GRM1: variants seen among roughly 807,000 people sequenced by gnomAD.
GRM1 encodes the protein glutamate metabotropic receptor 1.
GRM1 carries 33 observed loss-of-function variants against 90.9 expected under a neutral mutation model. That is an observed-to-expected ratio of 0.36 (90% CI 0.28 to 0.49). The LOEUF is 0.49. Among genes scored for constraint, GRM1 ranks in the 20% least tolerant of loss-of-function variants. GRM1 has a pLI of 0.99. For missense variants in GRM1, 1,190 were observed against 1,534.3 expected (o/e 0.78, Z 3.75); for synonymous variants, 700 against 613.2 (o/e 1.14, Z -2.09).
intron 3 of GRM1, among the ~76,000 whole-genome samples, chr6:146,340,799 C>T (rs1391403734): frequency 1.3e-5 from 2 of 152,188 alleles, no homozygotes; most frequent in Admixed American, 1.3e-4. Context: ...CTGCCTCAGC[C>T]TCCCAAAGTG....
intron 2 of GRM1, among the ~76,000 whole-genome samples, chr6:146,281,989 C>T (rs1002631526): frequency 1.3e-5 from 2 of 152,186 alleles, no homozygotes; most frequent in African/African-American, 2.4e-5. Flanking sequence ...GTTGACAGGG[C>T]AGTCAATAAT....
Position 146,436,187 on chromosome 6 carries a change from C to T in GRM1, c.*1391C>T, listed in dbSNP as rs577839251. ...TTTTGTACATCATTGTCATCAATAT[C>T]TACAGAAGCTCTTTGACGGTTTGAA... is the stretch of plus-strand genomic sequence containing the variant. On this transcript the variant is annotated 3_prime_UTR_variant, in exon 8 of 8. Coordinates refer to ENST00000282753, the MANE Select transcript of GRM1 (RefSeq NM_001278064.2). The T allele has an allele frequency of 2.2e-4, 33 of 152,618 alleles. No individual in the cohort carries two copies. The highest frequency in any genetic ancestry group is 7.7e-4 in the African/African-American group (32 of 41,550). 9.5% of individuals were successfully genotyped at this position (152,618 alleles called of 1,614,324 possible).
chr6:146,064,177 C>T (rs536490132), intron 1 of GRM1, among the ~76,000 whole-genome samples: 20 of 152,214 alleles, frequency 1.3e-4, no homozygotes, highest in Admixed American at 1.1e-3. Context: ...TAAGAATTAG[C>T]AAGTCTTCTT....
intron 2 of GRM1, among the ~76,000 whole-genome samples, chr6:146,164,985 T>C (rs1413751080): frequency 2.0e-5 from 3 of 151,998 alleles, no homozygotes; most frequent in African/African-American, 4.8e-5. Flanking sequence ...TACTGTGTGC[T>C]GTTTTATCTA....
chr6:146,418,779 G>T (rs1777878529), intron 7 of GRM1, among the ~76,000 whole-genome samples: 1 of 152,038 alleles, frequency 6.6e-6, no homozygotes, highest in African/African-American at 2.4e-5. Context: ...CTCATAATAA[G>T]TAGAGTGGCC....
chr6:146,059,769 C>T (rs1775601363), intron 1 of GRM1, among the ~76,000 whole-genome samples: 1 of 152,158 alleles, frequency 6.6e-6, no homozygotes, highest in Non-Finnish European at 1.5e-5. Context: ...CTTCATCTTG[C>T]ACTTTGATGT....
intron 1 of GRM1, among the ~76,000 whole-genome samples, chr6:146,107,997 C>G (rs1217891918): frequency 6.6e-6 from 1 of 152,134 alleles, no homozygotes; most frequent in South Asian, 2.1e-4. Flanking sequence ...CTTTGGCTTT[C>G]AGAGAGATTT....
chr6:146,387,412 A>G (rs1185338807), intron 6 of GRM1, among the ~76,000 whole-genome samples: 1 of 152,078 alleles, frequency 6.6e-6, no homozygotes, highest in Non-Finnish European at 1.5e-5. Flanking sequence ...ATTTTGTATA[A>G]AATCTATCAG....
intron 2 of GRM1, among the ~76,000 whole-genome samples, chr6:146,211,315 A>T (rs1384285647): frequency 6.6e-6 from 1 of 151,718 alleles, no homozygotes; most frequent in Non-Finnish European, 1.5e-5. Flanking sequence ...TCTCCAGTGA[A>T]ACTCGAAGAC....
intron 3 of GRM1, among the ~76,000 whole-genome samples, chr6:146,305,659 A>G (rs1783552964): frequency 6.6e-6 from 1 of 152,250 alleles, no homozygotes; most frequent in South Asian, 2.1e-4. Context: ...TGGAGCACTC[A>G]TGATAATGGG....
intron 2 of GRM1, among the ~76,000 whole-genome samples, chr6:146,176,614 T>C (rs1053930166): frequency 6.6e-6 from 1 of 152,056 alleles, no homozygotes; most frequent in African/African-American, 2.4e-5. Context: ...CAGCTCAAAA[T>C]ATTTGAAAGG....
chr6:146,097,128 TACAG>T (rs1776900380), intron 1 of GRM1, among the ~76,000 whole-genome samples: 1 of 152,136 alleles, frequency 6.6e-6, no homozygotes. Context: ...GGAACTAAAA[TACAG>T]ACAATCTGTG....
chr6:146,423,369 T>C (rs980679905), intron 7 of GRM1, among the ~76,000 whole-genome samples: 11 of 152,134 alleles, frequency 7.2e-5, no homozygotes, highest in African/African-American at 2.2e-4. Flanking sequence ...ACTCCTTTCA[T>C]AAAAGCAAGG....
rs938105425 is a variant in GRM1, at chr6:146,216,573, G to C, written c.950+56976G>C. On this transcript the variant is annotated intron_variant, in intron 2 of 7. Coordinates refer to ENST00000282753, the MANE Select transcript of GRM1 (RefSeq NM_001278064.2). ...GTGGAAAAATATCATTCGGTTGACTGGTTCTTAGAAAAGTTTATTAAAGTT... is the reference window on the plus strand; with the variant it reads ...GTGGAAAAATATCATTCGGTTGACTCGTTCTTAGAAAAGTTTATTAAAGTT... Among the ~76,000 whole-genome samples the C allele has an allele frequency of 3.9e-5, 6 of 152,142 alleles. No homozygotes were observed. The East Asian group carries it at 7.7e-4, about 20-fold the overall frequency.
intron 5 of GRM1, among the ~76,000 whole-genome samples, chr6:146,369,130 C>T (rs971178553): frequency 6.6e-6 from 1 of 151,790 alleles, no homozygotes; most frequent in Non-Finnish European, 1.5e-5. Flanking sequence ...AATCTGTTGG[C>T]ATATAGTTAT....
chr6:146,241,633 T>C (rs1489009710), intron 2 of GRM1, among the ~76,000 whole-genome samples: 1 of 152,108 alleles, frequency 6.6e-6, no homozygotes, highest in Non-Finnish European at 1.5e-5. Context: ...TTAATATCCA[T>C]GCCTTGGTTC....
chr6:146,080,098 C>T (rs769346109), intron 1 of GRM1, among the ~76,000 whole-genome samples: 3 of 152,088 alleles, frequency 2.0e-5, no homozygotes, highest in Non-Finnish European at 2.9e-5. Context: ...CCGAAGGACT[C>T]GGAGCATCTT....
intron 7 of GRM1, among the ~76,000 whole-genome samples, chr6:146,422,664 T>C (rs999734938): frequency 2.0e-5 from 3 of 152,172 alleles, no homozygotes; most frequent in Non-Finnish European, 4.4e-5. Flanking sequence ...TCATACTGAG[T>C]AAAATTTATT....
In GRM1 at chr6:146,121,680, C is replaced by T. The variant is rs1485332363; in HGVS notation, c.701-37668C>T. The stretch of plus-strand genomic sequence containing the variant: ...CAAAGAACATCTTTATTTCTGCCTT[C>T]ATTTCATTATGTACCCAGTAGTCAT... On this transcript the variant is annotated intron_variant, in intron 1 of 7. Coordinates refer to ENST00000282753, the MANE Select transcript of GRM1 (RefSeq NM_001278064.2). 2.6e-5 allele frequency among the ~76,000 whole-genome samples: 4 copies of T among 152,170 alleles called. No homozygotes were observed. In the East Asian group the frequency reaches 7.7e-4, roughly 29 times the overall value.
Sources: allele counts gnomAD v4.1 joint callset (sites outside exome capture counted in the v4.1 genomes callset), GRCh38; gene constraint gnomAD v4.1.1; transcripts MANE v1.5; gene names NCBI Gene and HGNC (gene_info 2026-07-23, HGNC 2026-07-21).